DNAH11: variants seen among roughly 807,000 people sequenced by gnomAD.
The protein encoded by DNAH11 is axonemal beta dynein heavy chain 11.
In DNAH11, 442 loss-of-function variants were observed where a neutral mutation model predicts 526.0. The observed-to-expected ratio is 0.84, with a 90% confidence interval of 0.78 to 0.91. The LOEUF is 0.91. DNAH11 is among the 40% of genes least tolerant of loss of function. The pLI is 0.00. For synonymous variants in DNAH11, 2,461 were observed against 1,935.9 expected (o/e 1.27, Z -7.12); for missense variants, 6,989 against 5,448.7 (o/e 1.28, Z -8.90).
intron 10 of DNAH11, 119 bp from the exon 11 acceptor site, chr7:21,588,393 T>G: frequency 7.3e-7 from 1 of 1,371,716 alleles, no homozygotes; most frequent in Non-Finnish European, 1.0e-6. Flanking sequence ...ATCAAGTGAT[T>G]AAACACATAT....
At chr7:21,629,776 A>G (rs911562961) in intron 25 of DNAH11, among the ~76,000 whole-genome samples, 1 of 151,706 alleles carries the variant, frequency 6.6e-6, no homozygotes, top group Non-Finnish European at 1.5e-5. Context: ...ATGGTATATC[A>G]TTTTCCACTC....
intron 50 of DNAH11, 83 bp from the exon 51 acceptor site, chr7:21,744,787 T>G (rs1470268288): frequency 6.6e-7 from 1 of 1,505,428 alleles, no homozygotes; most frequent in Non-Finnish European, 8.9e-7. Context: ...TCTGCAAGCT[T>G]TTCCCTTGCT....
intron 60 of DNAH11, 68 bp from the exon 61 acceptor site, chr7:21,789,173 A>C (rs1788322069): frequency 1.8e-6 from 2 of 1,121,478 alleles, no homozygotes; most frequent in Non-Finnish European, 2.6e-6. Context: ...ATTGTAAAGC[A>C]TCCATCCTAT....
chr7:21,715,657 CT>C (rs1784630526), intron 42 of DNAH11, among the ~76,000 whole-genome samples: 1 of 152,060 alleles, frequency 6.6e-6, no homozygotes, highest in Non-Finnish European at 1.5e-5. Flanking sequence ...ACAAATGCAG[CT>C]CTGTGGCTTC....
intron 3 of DNAH11, among the ~76,000 whole-genome samples, 184 bp downstream of exon 3, chr7:21,559,182 G>T (rs751487176): frequency 6.6e-6 from 1 of 152,132 alleles, no homozygotes; most frequent in Non-Finnish European, 1.5e-5. Context: ...AATGGAAAGT[G>T]AGCATACCCA....
At chr7:21,721,560 T>C (rs570435327) in intron 44 of DNAH11, among the ~76,000 whole-genome samples, 2 of 152,316 alleles carry the variant, frequency 1.3e-5, no homozygotes, top group East Asian at 3.9e-4. Flanking sequence ...AGGACTCTCT[T>C]CCCACCTTTC....
chr7:21,786,414 T>C (rs1788194071), intron 58 of DNAH11, among the ~76,000 whole-genome samples: 1 of 152,110 alleles, frequency 6.6e-6, no homozygotes, highest in Admixed American at 6.5e-5. Flanking sequence ...AGGGCAGTGA[T>C]GTCTCCAGAG....
Position 21,789,299 on chromosome 7 carries a change from C to A in DNAH11, c.9983C>A (p.Ala3328Asp). 1 of 1,576,882 alleles carries A rather than the reference C, an allele frequency of 6.3e-7. No homozygotes were observed. ...QALAQANLEL[A>D]AATEKLEAIR... ...TTAGCCCAAGCAAACTTAGAACTGG[C>A]TGCAGCTACTGAAAAACTAGAGGCT... Residue 3328 changes from alanine to aspartate, a missense_variant, in exon 61 of 82, where the codon GCT becomes GAT. Ala to Asp is a moderately radical substitution (Grantham distance 126, BLOSUM62 -2). Transcript: ENST00000409508.
intron 8 of DNAH11, 70 bp downstream of exon 8, chr7:21,572,043 C>G (rs1369808457): frequency 3.0e-6 from 4 of 1,324,138 alleles, no homozygotes; most frequent in African/African-American, 3.0e-5. Context: ...GAAGATAGGT[C>G]ACAGTGATAA....
At position 21,637,695 on chromosome 7, in the gene DNAH11, C is replaced by T. The variant is rs773159337; in HGVS notation, c.4810C>T (p.Gln1604Ter). Reference sequence around the variant, plus strand: ...TCTCTATGAAAAACTTAAAGATTTACAGTCCAGGTAAGAATAAAGCTATAT... The same window carrying T: ...TCTCTATGAAAAACTTAAAGATTTATAGTCCAGGTAAGAATAAAGCTATAT... ...PNLYEKLKDL[Q>*]SRLSLCEKAL... The change falls in exon 27 of 82, where the codon CAG (glutamine) becomes TAG (stop). Residue 1604 changes from glutamine (Q) to a stop codon, truncating the protein, a stop_gained. Transcript: ENST00000409508. LOFTEE classifies it high-confidence loss of function. The T allele has an allele frequency of 1.3e-6, 2 of 1,553,558 alleles. No individual in the cohort carries two copies. The highest frequency in any genetic ancestry group is 2.4e-5 in the South Asian group (2 of 82,524).
chr7:21,865,020 C>T (rs182895086), intron 70 of DNAH11, among the ~76,000 whole-genome samples: 1 of 152,230 alleles, frequency 6.6e-6, no homozygotes, highest in African/African-American at 2.4e-5. Flanking sequence ...TAAATCGTTT[C>T]ACCATTTTTC....
At chr7:21,821,409 T>C (rs1254846741) in intron 65 of DNAH11, among the ~76,000 whole-genome samples, 1 of 152,138 alleles carries the variant, frequency 6.6e-6, no homozygotes, top group Non-Finnish European at 1.5e-5. Flanking sequence ...AGGGAGACTC[T>C]GTACAGCCAG....
intron 54 of DNAH11, among the ~76,000 whole-genome samples, chr7:21,763,667 A>G (rs1787031959): frequency 6.7e-6 from 1 of 149,686 alleles, no homozygotes; most frequent in Non-Finnish European, 1.5e-5. Context: ...ATAGCCAAGG[A>G]CATTGAAACC....
intron 21 of DNAH11, among the ~76,000 whole-genome samples, chr7:21,615,784 T>C (rs886862679): frequency 6.6e-6 from 1 of 152,098 alleles, no homozygotes; most frequent in African/African-American, 2.4e-5. Context: ...CATATAGAAA[T>C]ATATTAACAA....
rs772462511 is a variant in DNAH11, at chr7:21,892,630, T to G, written c.12713T>G (p.Leu4238Arg). 9.9e-6 allele frequency: 16 copies of G among 1,612,246 alleles called. No individual in the cohort carries two copies. The highest frequency in any genetic ancestry group is 1.4e-5 in the Non-Finnish European group (16 of 1,178,858). The change falls in exon 77 of 82, where the codon CTC becomes CGC. Residue 4238 changes from leucine (L) to arginine (R), a missense_variant. Transcript: ENST00000409508. ...CTGGAGATGCAGCCCAGGAATGCACTCAGTGGTGATGAACTGGGGCAGTCT... is the reference window on the plus strand; with the variant it reads ...CTGGAGATGCAGCCCAGGAATGCACGCAGTGGTGATGAACTGGGGCAGTCT... ...TLLEMQPRNA[L>R]SGDELGQSTE...
chr7:21,763,463 A>T (rs545033402), intron 54 of DNAH11, among the ~76,000 whole-genome samples: 1 of 152,102 alleles, frequency 6.6e-6, no homozygotes, highest in African/African-American at 2.4e-5. Flanking sequence ...CACCTCACAT[A>T]GGTTAGGATA....
At chr7:21,623,938 A>G (rs891280488) in intron 25 of DNAH11, among the ~76,000 whole-genome samples, 40 of 151,718 alleles carry the variant, frequency 2.6e-4, no homozygotes, top group African/African-American at 9.4e-4. Context: ...CACATTGTGC[A>G]CATGTACCCT....
At position 21,771,746 on chromosome 7, in the gene DNAH11, A is replaced by T. The variant is rs1787441799; in HGVS notation, c.9103-2020A>T. 3.3e-5 allele frequency among the ~76,000 whole-genome samples: 5 copies of T among 152,048 alleles called. No individual in the cohort carries two copies. The South Asian group carries it at 8.3e-4, about 25-fold the overall frequency. On this transcript the variant is annotated intron_variant, in intron 55 of 81. Coordinates refer to ENST00000409508, the MANE Select transcript of DNAH11 (RefSeq NM_001277115.2). ...TAAGAGGCCAAATCTAGCAGGAATG[A>T]TATTCTCCCCTCACGTCTCTCAAAG...
chr7:21,550,901 A>G (rs965601151), intron 2 of DNAH11, among the ~76,000 whole-genome samples: 4 of 152,152 alleles, frequency 2.6e-5, no homozygotes, highest in Non-Finnish European at 5.9e-5. Flanking sequence ...ATCTGCTTGA[A>G]TGCTTTCAAA....
Sources: gnomAD v4.1 joint callset for allele counts (sites outside exome capture counted in the v4.1 genomes callset) on GRCh38, gnomAD v4.1.1 for gene constraint, MANE v1.5 for transcripts, NCBI Gene and HGNC (gene_info 2026-07-23, HGNC 2026-07-21) for gene names.